SLC5A9: variants seen among roughly 807,000 people sequenced by gnomAD.
SLC5A9 encodes solute carrier family 5 member 9, also known as sodium/glucose cotransporter 4.
In SLC5A9, 59 loss-of-function variants were observed where a neutral mutation model predicts 70.9. The ratio of observed to expected loss-of-function variants is 0.83; its 90% confidence interval spans 0.68 to 1.03. SLC5A9 has a LOEUF of 1.03. Among genes scored for constraint, SLC5A9 ranks in the 50% least tolerant of loss-of-function variants. The pLI is 0.00. For synonymous variants in SLC5A9, 340 were observed against 346.5 expected (o/e 0.98, Z 0.21); for missense variants, 832 against 881.1 (o/e 0.94, Z 0.71).
rs200959917 is a variant in SLC5A9, at chr1:48,231,898, C to T, written c.692-48C>T. On this transcript the variant is annotated intron_variant, in intron 6 of 13. Transcript: ENST00000438567. ...GGCTGGGGCTGGGCTTGCTGAGTGA[C>T]AGGCTCAGTGGGGTTTCAGGGCTGC... 6 of 1,609,532 alleles carry T rather than the reference C, an allele frequency of 3.7e-6. No homozygotes were observed. In the Admixed American group the frequency reaches 5.0e-5, roughly 13 times the overall value.
At chr1:48,244,956 A>C (rs1644444133) in intron 13 of SLC5A9, among the ~76,000 whole-genome samples, 1 of 132,148 alleles carries the variant, frequency 7.6e-6, no homozygotes, top group East Asian at 2.3e-4. Context: ...AAGACAGAAT[A>C]TTTGGAACAG....
At chr1:48,246,299 T>TCTC (rs1443250362) in intron 13 of SLC5A9, among the ~76,000 whole-genome samples, 2 of 152,110 alleles carry the variant, frequency 1.3e-5, no homozygotes, top group African/African-American at 4.8e-5. Flanking sequence ...CTTAAATAAG[T>TCTC]CTCTTCCCTT....
chr1:48,223,400 C>T (rs1644099705), intron 1 of SLC5A9, among the ~76,000 whole-genome samples: 1 of 152,140 alleles, frequency 6.6e-6, no homozygotes, highest in South Asian at 2.1e-4. Context: ...GTGCTAGAGG[C>T]AGGGGCCAGG....
chr1:48,245,166 A>C (rs946583401), intron 13 of SLC5A9, among the ~76,000 whole-genome samples: 1 of 151,418 alleles, frequency 6.6e-6, no homozygotes, highest in African/African-American at 2.4e-5. Context: ...TATTGAAGAA[A>C]GCAATCTGAG....
intron 6 of SLC5A9, 26 bp downstream of exon 6, chr1:48,231,651 C>G: frequency 6.2e-7 from 1 of 1,612,756 alleles, no homozygotes; most frequent in Non-Finnish European, 8.5e-7. Flanking sequence ...AAATATACCC[C>G]ACTGTCATTC....
At position 48,224,753 on chromosome 1, in the gene SLC5A9, T is replaced by C. The variant is rs1410658625; in HGVS notation, c.192T>C (p.Ile64=). The C allele has an allele frequency of 6.2e-7, 1 of 1,614,024 alleles. No homozygotes were observed. Among genetic ancestry groups the C allele is most frequent in the East Asian group, 2.2e-5 (1 of 44,882 alleles). Reference sequence around the variant, plus strand: ...CCATCCGTGCAAGTCGAGGGACCATTGGCGGCTATTTCCTGGCCGGGAGGT... The same window carrying C: ...CCATCCGTGCAAGTCGAGGGACCATCGGCGGCTATTTCCTGGCCGGGAGGT... ...WSSIRASRGT[I]GGYFLAGRSM... The change falls in exon 2 of 14, where the codon ATT becomes ATC. Residue 64 remains isoleucine, a synonymous_variant. Transcript: ENST00000438567.
chr1:48,227,607 ATC>A (rs1438260873), intron 2 of SLC5A9, among the ~76,000 whole-genome samples: 4 of 106,238 alleles, frequency 3.8e-5, no homozygotes, highest in African/African-American at 7.2e-5. Flanking sequence ...GTGTGATTGC[ATC>A]TGTGTGTGCA....
intron 13 of SLC5A9, among the ~76,000 whole-genome samples, chr1:48,246,787 T>TTGA (rs1265463921): frequency 6.6e-6 from 1 of 152,204 alleles, no homozygotes; most frequent in African/African-American, 2.4e-5. Flanking sequence ...GCATATGTCA[T>TTGA]TGATACATTT....
Position 48,232,459 on chromosome 1 carries a change from C to T in SLC5A9, c.990C>T (p.Phe330=), listed in dbSNP as rs751421922. 5 of 1,614,094 alleles carry T rather than the reference C, an allele frequency of 3.1e-6. No individual in the cohort carries two copies. Among genetic ancestry groups the T allele is most frequent in the Non-Finnish European group, 4.2e-6 (5 of 1,180,052 alleles). The change falls in exon 8 of 14, where the codon TTC becomes TTT. Residue 330 remains phenylalanine, a synonymous_variant. Transcript: ENST00000438567. The part of the protein sequence containing the change: ...LGGYLKILPM[F]FIVMPGMISR... The stretch of plus-strand genomic sequence containing the variant: ...GCTACCTGAAGATCCTCCCCATGTT[C>T]TTCATCGTCATGCCTGGCATGATCA...
chr1:48,229,449 C>T lies in SLC5A9; in HGVS notation c.494C>T (p.Thr165Ile). The T allele has an allele frequency of 6.2e-7, 1 of 1,614,044 alleles. No homozygotes were observed. Among genetic ancestry groups the T allele is most frequent in the East Asian group, 2.2e-5 (1 of 44,862 alleles). The change falls in exon 4 of 14, where the codon ACC (threonine) becomes ATC (isoleucine). Residue 165 changes from threonine to isoleucine, a missense_variant. Coordinates refer to ENST00000438567, the MANE Select transcript of SLC5A9 (RefSeq NM_001011547.3). ...SVLSLILYIF[T>I]KISTDIFSGA... is the part of the protein sequence containing the mutation. The stretch of plus-strand genomic sequence containing the variant: ...CTGTCTCTCATCCTCTACATCTTCA[C>T]CAAGATCTCGGTAGGTGTCACTGCA...
At chr1:48,226,462 G>T (rs898719330) in intron 2 of SLC5A9, among the ~76,000 whole-genome samples, 5 of 152,202 alleles carry the variant, frequency 3.3e-5, no homozygotes, top group Non-Finnish European at 5.9e-5. Context: ...GGGAAAGAGA[G>T]GATGTGCTCC....
At chr1:48,229,268 A>AC in intron 3 of SLC5A9, 27 bp from the exon 4 acceptor site, 1 of 1,613,998 alleles carries the variant, frequency 6.2e-7, no homozygotes, top group Non-Finnish European at 8.5e-7. Flanking sequence ...GGACCTGGAT[A>AC]CCTTCTTCTT....
intron 12 of SLC5A9, chr1:48,242,223 A>G: frequency 1.8e-6 from 1 of 542,902 alleles, no homozygotes; most frequent in Non-Finnish European, 3.3e-6. Flanking sequence ...TCAGGTCTGT[A>G]TTCCAGCACC....
At chr1:48,234,917 A>T (rs1176250542) in intron 9 of SLC5A9, among the ~76,000 whole-genome samples, 1 of 152,108 alleles carries the variant, frequency 6.6e-6, no homozygotes, top group East Asian at 1.9e-4. Context: ...CCAGAGGGAG[A>T]TGGGCACCTG....
chr1:48,243,312 A>G (rs1294768769), intron 13 of SLC5A9, among the ~76,000 whole-genome samples: 3 of 152,120 alleles, frequency 2.0e-5, no homozygotes, highest in African/African-American at 7.2e-5. Context: ...GGTTCCTACA[A>G]AACACCCTCC....
chr1:48,234,954 C>A (rs1277723534), intron 9 of SLC5A9, among the ~76,000 whole-genome samples: 3 of 152,048 alleles, frequency 2.0e-5, no homozygotes, highest in African/African-American at 7.2e-5. Context: ...GCCTGAGGCA[C>A]CTGTGACACT....
intron 9 of SLC5A9, 56 bp downstream of exon 9, chr1:48,233,818 TCCA>T: frequency 7.7e-7 from 1 of 1,293,906 alleles, no homozygotes. Context: ...TCCTCCAATC[TCCA>T]CTGCCCAGGA....
At chr1:48,235,629 C>T (rs559057547) in intron 9 of SLC5A9, 100 bp from the exon 10 acceptor site, 1 of 1,429,192 alleles carries the variant, frequency 7.0e-7, no homozygotes, top group East Asian at 2.4e-5. Flanking sequence ...CATCCCCACC[C>T]CCAGCTCCTG....
In SLC5A9 at chr1:48,235,751, C is replaced by T. The variant is rs139075326; in HGVS notation, c.1164C>T (p.Ala388=). 2.0e-5 allele frequency: 33 copies of T among 1,614,202 alleles called. No homozygotes were observed. The highest frequency in any genetic ancestry group is 3.3e-4 in the Middle Eastern group (2 of 6,062). ...CAGGTCTGCGGGGGCTGATGATTGC[C>T]GTGATCATGGCCGCTCTCATGAGCT... ...MPVGLRGLMI[A]VIMAALMSSL... is the part of the protein sequence containing the mutation. Residue 388 remains alanine (A), a synonymous_variant, in exon 10 of 14, where the codon GCC becomes GCT. Coordinates refer to ENST00000438567, the MANE Select transcript of SLC5A9 (RefSeq NM_001011547.3).
Sources: gnomAD v4.1 joint callset for allele counts (sites outside exome capture counted in the v4.1 genomes callset) on GRCh38, gnomAD v4.1.1 for gene constraint, MANE v1.5 for transcripts, NCBI Gene and HGNC (gene_info 2026-07-23, HGNC 2026-07-21) for gene names.